Variants in TRAPPC9 observed in about 807,000 individuals in gnomAD.
TRAPPC9 encodes the protein trafficking protein particle complex subunit 9, also known as IKK2 binding protein.
In TRAPPC9, 83 loss-of-function variants were observed where a neutral mutation model predicts 124.0. That is an observed-to-expected ratio of 0.67 (90% CI 0.56 to 0.80). The LOEUF is 0.80. TRAPPC9 is among the 30% of genes least tolerant of loss of function. The pLI is 0.00. For missense variants in TRAPPC9, 1,302 were observed against 1,508.3 expected, an observed-to-expected ratio of 0.86 and a Z score of 2.27; for synonymous variants, 638 against 617.5, an observed-to-expected ratio of 1.03 and a Z score of -0.49.
At chr8:139,983,740 G>T (rs1237260704) in intron 19 of TRAPPC9, among the ~76,000 whole-genome samples, 2 of 152,122 alleles carry the variant, frequency 1.3e-5, no homozygotes, top group African/African-American at 4.8e-5. Context: ...AGCAGAAAGT[G>T]GGAAATAAAC....
chr8:140,286,174 G>A lies in TRAPPC9; in HGVS notation c.1981+1434C>T, dbSNP rs2065478191. On this transcript the variant is annotated intron_variant, in intron 13 of 22. Transcript: ENST00000438773. ...CGGCCAGGGTGATAAGCACTCGATG[G>A]GACACAGGCAAAGCCTCGGAAAGCC... 3.3e-5 allele frequency among the ~76,000 whole-genome samples: 5 copies of A among 152,164 alleles called. No homozygotes were observed. The South Asian group carries it at 1.0e-3, about 32-fold the overall frequency.
At chr8:140,080,697 T>G (rs1239884167) in intron 17 of TRAPPC9, among the ~76,000 whole-genome samples, 4 of 152,208 alleles carry the variant, frequency 2.6e-5, no homozygotes, top group African/African-American at 9.7e-5. Context: ...AACACTGCCA[T>G]GCTGGCAGTT....
chr8:140,168,247 A>G (rs1414896144), intron 17 of TRAPPC9, among the ~76,000 whole-genome samples: 1 of 152,238 alleles, frequency 6.6e-6, no homozygotes, highest in Non-Finnish European at 1.5e-5. Context: ...TGTCAATAAC[A>G]TATCGAAGGT....
At chr8:139,779,694 A>C (rs542543716) in intron 21 of TRAPPC9, among the ~76,000 whole-genome samples, 53 of 152,274 alleles carry the variant, frequency 3.5e-4, no homozygotes, top group Non-Finnish European at 7.2e-4. Flanking sequence ...AAGATAATAA[A>C]AGAGTTATAG....
intron 21 of TRAPPC9, among the ~76,000 whole-genome samples, chr8:139,836,873 C>A (rs1262218228): frequency 1.3e-5 from 2 of 151,910 alleles, no homozygotes; most frequent in South Asian, 4.2e-4. Flanking sequence ...ACGATGGTAC[C>A]CCATCACCTC....
intron 21 of TRAPPC9, among the ~76,000 whole-genome samples, chr8:139,858,006 T>G (rs549615858): frequency 6.6e-6 from 1 of 152,218 alleles, no homozygotes; most frequent in Non-Finnish European, 1.5e-5. Context: ...GAAAGGAGGC[T>G]TCACCATCTG....
At chr8:139,833,531 A>G (rs1826123044) in intron 21 of TRAPPC9, among the ~76,000 whole-genome samples, 1 of 152,240 alleles carries the variant, frequency 6.6e-6, no homozygotes. Context: ...AGAGGTTGGC[A>G]GGGCAAATGC....
chr8:139,806,204 AC>A (rs1385203917), intron 21 of TRAPPC9: 2 of 152,276 alleles, frequency 1.3e-5, no homozygotes, highest in Admixed American at 1.3e-4. Flanking sequence ...TCAAATGGTC[AC>A]CTGCAATCAA....
chr8:140,338,030 A>G (rs867305263), intron 9 of TRAPPC9, among the ~76,000 whole-genome samples: 1 of 152,262 alleles, frequency 6.6e-6, no homozygotes, highest in Non-Finnish European at 1.5e-5. Flanking sequence ...ATTTTATTTT[A>G]TACCAAGGAA....
At chr8:140,124,529 C>G (rs1254964177) in intron 17 of TRAPPC9, among the ~76,000 whole-genome samples, 1 of 151,926 alleles carries the variant, frequency 6.6e-6, no homozygotes, top group Non-Finnish European at 1.5e-5. Flanking sequence ...AGGTCTGACA[C>G]ACAAGGTCTG....
At chr8:139,821,081 G>A (rs1395984193) in intron 21 of TRAPPC9, among the ~76,000 whole-genome samples, 2 of 152,212 alleles carry the variant, frequency 1.3e-5, no homozygotes, top group African/African-American at 4.8e-5. Flanking sequence ...TGTATCTGCA[G>A]TAGGCAGTCT....
At chr8:140,028,812 A>G (rs1239328896) in intron 17 of TRAPPC9, among the ~76,000 whole-genome samples, 1 of 152,218 alleles carries the variant, frequency 6.6e-6, no homozygotes, top group Non-Finnish European at 1.5e-5. Flanking sequence ...ACAGGAGGAG[A>G]AAGGACTACA....
chr8:140,390,120 A>T (rs539537306), intron 7 of TRAPPC9, among the ~76,000 whole-genome samples: 2 of 152,296 alleles, frequency 1.3e-5, no homozygotes, highest in Admixed American at 6.5e-5. Flanking sequence ...CCTGGCCAAC[A>T]TGATGAAACC....
At chr8:139,915,602 G>A (rs1490564123) in intron 19 of TRAPPC9, among the ~76,000 whole-genome samples, 1 of 152,304 alleles carries the variant, frequency 6.6e-6, no homozygotes, top group Non-Finnish European at 1.5e-5. Context: ...CGTATTACCC[G>A]CTGTTCGTGT....
intron 17 of TRAPPC9, among the ~76,000 whole-genome samples, chr8:140,128,897 C>G (rs780347933): frequency 1.3e-5 from 2 of 151,776 alleles, no homozygotes; most frequent in Non-Finnish European, 2.9e-5. Context: ...TTCAAGCTCC[C>G]CATTAAGACT....
intron 17 of TRAPPC9, among the ~76,000 whole-genome samples, chr8:140,148,445 C>T (rs1395232150): frequency 6.6e-6 from 1 of 152,176 alleles, no homozygotes; most frequent in Non-Finnish European, 1.5e-5. Flanking sequence ...CCTTCATGGA[C>T]TCACTATATG....
At chr8:140,349,241 A>ACACCAGGGGGCTGAAGGAGGCGGG (rs2067455321) in intron 9 of TRAPPC9, among the ~76,000 whole-genome samples, 2 of 50,606 alleles carry the variant, frequency 4.0e-5, no homozygotes, top group Non-Finnish European at 8.4e-5. Flanking sequence ...AAGGGGGCAC[A>ACACCAGGGGGCTGAAGGAGGCGGG]CGACGGAAGG....
At chr8:140,446,921 G>A (rs946289343) in intron 2 of TRAPPC9, among the ~76,000 whole-genome samples, 2 of 152,118 alleles carry the variant, frequency 1.3e-5, no homozygotes, top group Non-Finnish European at 2.9e-5. Context: ...CCAGGCAGAA[G>A]CAAAAGAAAA....
chr8:140,074,260 C>T (rs562075094), intron 17 of TRAPPC9, among the ~76,000 whole-genome samples: 2 of 152,292 alleles, frequency 1.3e-5, no homozygotes, highest in South Asian at 4.1e-4. Context: ...AGCCCAGGGA[C>T]ACTGGAGTGG....
Sources: gnomAD v4.1 joint callset for allele counts (sites outside exome capture counted in the v4.1 genomes callset) on GRCh38, gnomAD v4.1.1 for gene constraint, MANE v1.5 for transcripts, NCBI Gene and HGNC (gene_info 2026-07-23, HGNC 2026-07-21) for gene names.